NOX1: variants seen among roughly 807,000 people sequenced by gnomAD.
The protein encoded by NOX1 is NADH/NADPH mitogenic oxidase subunit P65-MOX.
In NOX1, 34 loss-of-function variants were observed where a neutral mutation model predicts 42.5. The observed-to-expected ratio is 0.80, with a 90% CI of 0.61 to 1.07. The LOEUF (loss-of-function observed/expected upper bound fraction) is 1.07, where lower values mean the gene tolerates loss of function less well. Among genes scored for constraint, NOX1 ranks in the 50% least tolerant of loss-of-function variants. The probability of loss-of-function intolerance (pLI) is 0.00; values close to 1 mark genes in which losing one functional copy is unlikely to be tolerated. For missense variants in NOX1, 408 were observed against 427.0 expected (o/e 0.96, Z 0.39); for synonymous variants, 143 against 152.5 (o/e 0.94, Z 0.46).
intron 7 of NOX1, among the ~76,000 whole-genome samples, chrX:100,860,260 A>G (rs776485669): frequency 8.9e-6 from 1 of 111,844 alleles, no homozygotes; most frequent in African/African-American, 3.2e-5. Context: ...CTTTTTTTCT[A>G]TTCAACAATG....
At position 100,849,359 on chromosome X, in the gene NOX1, A is replaced by G; in HGVS notation, c.1364T>C (p.Leu455Pro). The G allele has an allele frequency of 8.3e-7, 1 of 1,210,462 alleles. No homozygotes were observed. Among genetic ancestry groups the G allele is most frequent in the East Asian group, 3.0e-5 (1 of 33,834 alleles). Residue 455 changes from leucine to proline, a missense_variant, in exon 11 of 13, where the codon CTG becomes CCG. By Grantham distance (98) the Leu-to-Pro change is moderately conservative. Transcript: ENST00000372966. The stretch of plus-strand genomic sequence containing the variant: ...GCCTAATTCCTCCATCTCCTGTTCC[A>G]GGGAAGTCAACAGGTTGTTGAACCA... ...FSWFNNLLTS[L>P]EQEMEELGKV...
intron 7 of NOX1, chrX:100,856,329 T>C (rs2085166887): frequency 6.2e-6 from 4 of 643,588 alleles, no homozygotes; most frequent in Non-Finnish European, 1.0e-5. Flanking sequence ...AAATCTCCAA[T>C]GAAGAGCTTC....
rs148605843 is a variant in NOX1 at position 100,873,318 on chromosome X, G to A, written c.45+777C>T. The stretch of plus-strand genomic sequence containing the variant: ...AACGTCATTGGGGAGCTGGGTTCGA[G>A]TGATGCCAATTCAGTCAATTCATTG... On this transcript the variant is annotated intron_variant, in intron 1 of 12. Coordinates refer to ENST00000372966, the MANE Select transcript of NOX1 (RefSeq NM_007052.5). Among the ~76,000 whole-genome samples, 141 of 111,395 alleles carry A rather than the reference G, an allele frequency of 1.3e-3. 1 individual carries two copies. The highest frequency in any genetic ancestry group is 4.4e-3 in the African/African-American group (136 of 30,631).
Position 100,849,346 on chromosome X carries a change from C to A in NOX1, c.1377G>T (p.Met459Ile). The stretch of plus-strand genomic sequence containing the variant: ...GAAAACCCACTTTGCCTAATTCCTC[C>A]ATCTCCTGTTCCAGGGAAGTCAACA... The part of the protein sequence containing the change: ...NNLLTSLEQE[M>I]EELGKVGFLN... The change falls in exon 11 of 13, where the codon ATG becomes ATT. Residue 459 changes from methionine to isoleucine, a missense_variant. Coordinates refer to ENST00000372966, the MANE Select transcript of NOX1 (RefSeq NM_007052.5). 8.3e-7 allele frequency: 1 copy of A among 1,210,812 alleles called. No individual in the cohort carries two copies. Among genetic ancestry groups the A allele is most frequent in the African/African-American group, 1.7e-5 (1 of 57,898 alleles).
In NOX1 at chrX:100,849,935, C is replaced by G. The variant is rs2085101960; in HGVS notation, c.1134-1G>C. On this transcript the variant is annotated splice_acceptor_variant, in intron 9 of 12. Transcript: ENST00000372966. LOFTEE classifies it high-confidence loss of function. Reference sequence around the variant, plus strand: ...GCCAAAGGGACCATCCACTTCAATCCTGGCAGAAGACAGAAGATAACGGGC... The same window carrying G: ...GCCAAAGGGACCATCCACTTCAATCGTGGCAGAAGACAGAAGATAACGGGC... 4 of 1,190,725 alleles carry G rather than the reference C, an allele frequency of 3.4e-6. No homozygotes were observed. Among genetic ancestry groups the G allele is most frequent in the Non-Finnish European group, 3.4e-6 (3 of 886,234 alleles).
At chrX:100,848,867 G>C (rs2085092978) in intron 11 of NOX1, 113 bp from the exon 12 acceptor site, 1 of 755,123 alleles carries the variant, frequency 1.3e-6, no homozygotes, top group Admixed American at 2.8e-5. Flanking sequence ...CCTGAGGTCA[G>C]GAGTTCGAGA....
intron 2 of NOX1, among the ~76,000 whole-genome samples, chrX:100,870,253 TAAAA>T (rs560653397): frequency 3.3e-5 from 3 of 91,520 alleles, no homozygotes; most frequent in Admixed American, 1.2e-4. Flanking sequence ...TTCCTCCTTG[TAAAA>T]AAAAAAAAAA....
chrX:100,852,959 G>A (rs753079909), intron 7 of NOX1, among the ~76,000 whole-genome samples: 2 of 111,937 alleles, frequency 1.8e-5, no homozygotes, highest in African/African-American at 6.5e-5. Context: ...GAGTGTTCAC[G>A]TGGGCATGCA....
chrX:100,858,528 G>A (rs1280263281), intron 7 of NOX1, among the ~76,000 whole-genome samples: 1 of 111,540 alleles, frequency 9.0e-6, no homozygotes, highest in Non-Finnish European at 1.9e-5. Flanking sequence ...GGGCAGTAGG[G>A]CCATTTTAAT....
intron 7 of NOX1, chrX:100,856,091 C>A (rs1003359743): frequency 9.6e-7 from 1 of 1,044,842 alleles, no homozygotes; most frequent in African/African-American, 1.8e-5. Flanking sequence ...GGCACCTGGT[C>A]TTTGAGAATC....
intron 12 of NOX1, among the ~76,000 whole-genome samples, chrX:100,848,282 C>T (rs746884028): frequency 2.9e-3 from 321 of 108,960 alleles, no homozygotes; most frequent in African/African-American, 0.01. Context: ...ATCCTAACTC[C>T]GCACTCATCT....
At chrX:100,873,050 G>C (rs769870616) in intron 1 of NOX1, among the ~76,000 whole-genome samples, 1 of 103,065 alleles carries the variant, frequency 9.7e-6, no homozygotes, top group Non-Finnish European at 2.0e-5. Context: ...GGGGGCGGGG[G>C]GGTAGACAGG....
chrX:100,851,306 G>C lies in NOX1; in HGVS notation c.824C>G (p.Ala275Gly), dbSNP rs1265632222. 2 of 1,178,000 alleles carry C rather than the reference G, an allele frequency of 1.7e-6. No homozygotes were observed. Among genetic ancestry groups the C allele is most frequent in the African/African-American group, 3.5e-5 (2 of 56,341 alleles). ...TTCACAGATATAAAGAATGACCGGTGCAAGGATCCACTTCCAAGACTGCAC... is the reference window on the plus strand; with the variant it reads ...TTCACAGATATAAAGAATGACCGGTCCAAGGATCCACTTCCAAGACTGCAC... ...HPPESWKWIL[A>G]PVILYICERI... Residue 275 changes from alanine (A) to glycine (G), a missense_variant, in exon 8 of 13, where the codon GCA becomes GGA. Ala to Gly is a moderately conservative substitution (Grantham distance 60). Transcript: ENST00000372966.
At chrX:100,853,433 T>TCTTCCTTCCTTCCTTCCTTGC (rs1569445832) in intron 7 of NOX1, among the ~76,000 whole-genome samples, 1 of 101,280 alleles carries the variant, frequency 9.9e-6, no homozygotes, top group Non-Finnish European at 2.0e-5. Context: ...CTTTTTTTTT[T>TCTTCCTTCCTTCCTTCCTTGC]TTGACAGAGT....
intron 12 of NOX1, among the ~76,000 whole-genome samples, chrX:100,844,720 A>C (rs72552307): frequency 0.015 from 1,664 of 112,524 alleles, 29 homozygotes; most frequent in African/African-American, 0.05. Context: ...GGCGTGAGCC[A>C]CAATGTCCGA....
chrX:100,851,739 C>T (rs901907926), intron 7 of NOX1, among the ~76,000 whole-genome samples: 9 of 110,586 alleles, frequency 8.1e-5, no homozygotes, highest in African/African-American at 3.0e-4. Context: ...ATAGCGAAAC[C>T]CTGTCTCTAC....
intron 2 of NOX1, among the ~76,000 whole-genome samples, chrX:100,864,889 A>G (rs2085228030): frequency 8.9e-6 from 1 of 112,220 alleles, no homozygotes; most frequent in South Asian, 3.7e-4. Context: ...CCAGCCTTAC[A>G]TTGTGTGCCT....
intron 1 of NOX1, among the ~76,000 whole-genome samples, chrX:100,872,505 T>C (rs1432291543): frequency 9.0e-6 from 1 of 111,674 alleles, no homozygotes; most frequent in Non-Finnish European, 1.9e-5. Context: ...AATTTATTTT[T>C]TATTTAAAAA....
At chrX:100,870,587 T>C in intron 2 of NOX1, 132 bp downstream of exon 2, 1 of 506,924 alleles carries the variant, frequency 2.0e-6, no homozygotes, top group Non-Finnish European at 3.4e-6. Flanking sequence ...AAACTCAAAG[T>C]CAGTTGGGCA....
Sources: gnomAD v4.1 joint callset for allele counts (sites outside exome capture counted in the v4.1 genomes callset) on GRCh38, gnomAD v4.1.1 for gene constraint, MANE v1.5 for transcripts, NCBI Gene and HGNC (gene_info 2026-07-23, HGNC 2026-07-21) for gene names.